LRP1B: variants seen among roughly 807,000 people sequenced by gnomAD.
The protein encoded by LRP1B is LDL receptor related protein 1B, also known as low-density lipoprotein receptor-related protein 1B.
In LRP1B, 217 loss-of-function variants were observed where a neutral mutation model predicts 556.6. That is an observed-to-expected ratio of 0.39 (90% CI 0.35 to 0.44). The LOEUF is 0.44. Ranked by LOEUF, LRP1B falls within the 20% of genes least tolerant of loss-of-function variation. The pLI, the probability that LRP1B is intolerant of heterozygous loss-of-function variation, is 1.00. For synonymous variants in LRP1B, 2,047 were observed against 1,865.8 expected (o/e 1.10, Z -2.50); for missense variants, 5,053 against 5,620.8 (o/e 0.90, Z 3.23).
intron 3 of LRP1B, among the ~76,000 whole-genome samples, chr2:141,364,346 A>G (rs1688942376): frequency 6.6e-6 from 1 of 151,622 alleles, no homozygotes; most frequent in South Asian, 2.1e-4. Context: ...TGGAATAATT[A>G]AATCACGCAC....
At chr2:141,699,931 G>A (rs1478015486) in intron 2 of LRP1B, among the ~76,000 whole-genome samples, 1 of 149,726 alleles carries the variant, frequency 6.7e-6, no homozygotes, top group East Asian at 2.0e-4. Flanking sequence ...TTTGTCATCT[G>A]CTGATTTACT....
At chr2:141,919,551 T>C (rs1360602854) in intron 1 of LRP1B, among the ~76,000 whole-genome samples, 1 of 152,064 alleles carries the variant, frequency 6.6e-6, no homozygotes, top group Non-Finnish European at 1.5e-5. Flanking sequence ...GAAACAGGTG[T>C]CAATATGCAT....
rs183521831 is a variant in LRP1B, at chr2:141,280,488, T to C, written c.344-25847A>G. Among the ~76,000 whole-genome samples, 327 of 152,032 alleles carry C rather than the reference T, an allele frequency of 2.2e-3. 1 individual carries two copies. The highest frequency in any genetic ancestry group is 7.3e-3 in the African/African-American group (303 of 41,518). The stretch of plus-strand genomic sequence containing the variant: ...TATAAGCTATTAAGTTGGTGCAAAA[T>C]AATTGTGGTTTTTGCCATGAAAAGC... On this transcript the variant is annotated intron_variant, in intron 3 of 90. Coordinates refer to ENST00000389484, the MANE Select transcript of LRP1B (RefSeq NM_018557.3).
intron 3 of LRP1B, among the ~76,000 whole-genome samples, chr2:141,289,381 C>CAAAAAA (rs34784985): frequency 6.2e-4 from 27 of 43,360 alleles, no homozygotes; most frequent in East Asian, 1.6e-3. Context: ...GACTCCATCT[C>CAAAAAA]AAAAAAAAAA....
At chr2:140,469,189 C>G (rs1687668127) in intron 60 of LRP1B, among the ~76,000 whole-genome samples, 1 of 152,084 alleles carries the variant, frequency 6.6e-6, no homozygotes, top group African/African-American at 2.4e-5. Context: ...CCCAGTATGA[C>G]AGTACTAAGA....
At chr2:141,137,928 C>T (rs965991433) in intron 7 of LRP1B, among the ~76,000 whole-genome samples, 2 of 151,236 alleles carry the variant, frequency 1.3e-5, no homozygotes, top group African/African-American at 4.9e-5. Context: ...AAAGTACTTC[C>T]AACTTATTCT....
At chr2:140,279,305 G>A (rs997699595) in intron 84 of LRP1B, among the ~76,000 whole-genome samples, 1 of 151,962 alleles carries the variant, frequency 6.6e-6, no homozygotes, top group East Asian at 1.9e-4. Context: ...CACGGTGCAT[G>A]CTATGTGCAA....
chr2:141,298,047 A>G (rs1316887294), intron 3 of LRP1B, among the ~76,000 whole-genome samples: 1 of 152,196 alleles, frequency 6.6e-6, no homozygotes, highest in African/African-American at 2.4e-5. Flanking sequence ...AAGCATGACT[A>G]TATGGTGATT....
At chr2:140,552,416 T>C (rs143075229) in intron 43 of LRP1B, among the ~76,000 whole-genome samples, 1 of 152,100 alleles carries the variant, frequency 6.6e-6, no homozygotes, top group Non-Finnish European at 1.5e-5. Flanking sequence ...TCTGCTGACA[T>C]AGAGAGAGGA....
intron 7 of LRP1B, among the ~76,000 whole-genome samples, chr2:141,066,708 C>T (rs772746502): frequency 4.6e-5 from 7 of 151,834 alleles, no homozygotes; most frequent in African/African-American, 7.2e-5. Flanking sequence ...AACTTACTGA[C>T]GGAATTTAGA....
chr2:140,898,598 A>G (rs1694015817), intron 23 of LRP1B: 1 of 341,664 alleles, frequency 2.9e-6, no homozygotes, highest in Non-Finnish European at 5.8e-6. Flanking sequence ...TTGCTGATAC[A>G]AAAGTTCACT....
chr2:140,365,497 G>T lies in LRP1B; in HGVS notation c.11009-714C>A, dbSNP rs552837790. Among the ~76,000 whole-genome samples the T allele has an allele frequency of 1.2e-4, 18 of 151,728 alleles. No individual in the cohort carries two copies. In the Admixed American group the frequency reaches 1.2e-3, roughly 10 times the overall value. ...GGACCTAAGTAATGAATAAATTTGG[G>T]TTATATGTCTAGAGATGTAGCAATA... On this transcript the variant is annotated intron_variant, in intron 71 of 90. Coordinates refer to ENST00000389484, the MANE Select transcript of LRP1B (RefSeq NM_018557.3).
intron 67 of LRP1B, among the ~76,000 whole-genome samples, chr2:140,379,586 T>G (rs1683384698): frequency 6.6e-6 from 1 of 152,126 alleles, no homozygotes; most frequent in Non-Finnish European, 1.5e-5. Context: ...TCCCAGCTAC[T>G]TGGGAGGCTG....
At chr2:141,572,105 G>T (rs184881997) in intron 2 of LRP1B, among the ~76,000 whole-genome samples, 1 of 152,198 alleles carries the variant, frequency 6.6e-6, no homozygotes, top group East Asian at 1.9e-4. Flanking sequence ...TCCACGAGAA[G>T]ATCAACCCCA....
intron 3 of LRP1B, among the ~76,000 whole-genome samples, chr2:141,339,273 G>A (rs1687962240): frequency 6.9e-6 from 1 of 144,780 alleles, no homozygotes; most frequent in South Asian, 2.2e-4. Context: ...CTTTATGTTT[G>A]TCATCTCACT....
rs183811267 is a variant in LRP1B, at chr2:140,927,113, T to C, written c.3137-3966A>G. Among the ~76,000 whole-genome samples, 30 of 152,294 alleles carry C rather than the reference T, an allele frequency of 2.0e-4. 1 individual carries two copies. The East Asian group carries it at 5.4e-3, about 27-fold the overall frequency. ...CTGAAGTCAGAGTTCGAGACCAGCC[T>C]GGCTAACATGGTGAAGCCCCATCTC... On this transcript the variant is annotated intron_variant, in intron 20 of 90. Transcript: ENST00000389484.
At chr2:141,458,816 T>A (rs1177393414) in intron 3 of LRP1B, among the ~76,000 whole-genome samples, 1 of 152,192 alleles carries the variant, frequency 6.6e-6, no homozygotes, top group Non-Finnish European at 1.5e-5. Flanking sequence ...ATCAGTCCTA[T>A]TTCATAAAGT....
At chr2:141,870,576 T>C (rs996091195) in intron 1 of LRP1B, among the ~76,000 whole-genome samples, 1 of 152,022 alleles carries the variant, frequency 6.6e-6, no homozygotes, top group African/African-American at 2.4e-5. Flanking sequence ...AATATATGAA[T>C]GTAGAATAGA....
At chr2:140,503,725 A>T (rs1689290682) in intron 53 of LRP1B, among the ~76,000 whole-genome samples, 1 of 152,060 alleles carries the variant, frequency 6.6e-6, no homozygotes, top group Non-Finnish European at 1.5e-5. Context: ...TTGTAAATAC[A>T]ACTTATTTGA....
Sources: gnomAD v4.1 joint callset for allele counts (sites outside exome capture counted in the v4.1 genomes callset) on GRCh38, gnomAD v4.1.1 for gene constraint, MANE v1.5 for transcripts, NCBI Gene and HGNC (gene_info 2026-07-23, HGNC 2026-07-21) for gene names.